MALRD1: variants seen among roughly 807,000 people sequenced by gnomAD.
MALRD1 encodes MAM and LDL receptor class A domain containing 1, also known as MAM and LDL-receptor class A domain-containing protein 1.
MALRD1 carries 247 observed loss-of-function variants against 242.1 expected under a neutral mutation model. That is an observed-to-expected ratio of 1.02 (90% CI 0.92 to 1.13). The LOEUF is 1.13. MALRD1 is among the 50% of genes most tolerant of loss of function. MALRD1 has a pLI of 0.00. For missense variants in MALRD1, 2,989 were observed against 2,533.1 expected (o/e 1.18, Z -3.86); for synonymous variants, 995 against 866.6 (o/e 1.15, Z -2.60).
chr10:19,064,508 C>CTTTT (rs569891101), intron 1 of MALRD1, among the ~76,000 whole-genome samples: 1 of 142,292 alleles, frequency 7.0e-6, no homozygotes, highest in Non-Finnish European at 1.5e-5. Flanking sequence ...TTCAGGATTG[C>CTTTT]TTTTTTTTTT....
At chr10:19,262,437 C>A (rs1839790600) in intron 19 of MALRD1, among the ~76,000 whole-genome samples, 1 of 151,866 alleles carries the variant, frequency 6.6e-6, no homozygotes, top group Non-Finnish European at 1.5e-5. Context: ...GGGCAGATCA[C>A]CTAAGGTCAG....
chr10:19,586,992 G>A (rs1368693294), intron 33 of MALRD1, among the ~76,000 whole-genome samples: 3 of 152,226 alleles, frequency 2.0e-5, no homozygotes, highest in Non-Finnish European at 4.4e-5. Flanking sequence ...CGATTTTCCA[G>A]GTGCCGTCTG....
At chr10:19,164,962 C>T (rs1417534441) in intron 12 of MALRD1, among the ~76,000 whole-genome samples, 1 of 151,536 alleles carries the variant, frequency 6.6e-6, no homozygotes, top group Non-Finnish European at 1.5e-5. Flanking sequence ...TTAATGCTAC[C>T]ACAGAGACTA....
chr10:19,664,259 A>C (rs1841573681), intron 36 of MALRD1, among the ~76,000 whole-genome samples: 1 of 152,120 alleles, frequency 6.6e-6, no homozygotes, highest in Non-Finnish European at 1.5e-5. Flanking sequence ...CTACTTGCTA[A>C]TTTAGATTGT....
At chr10:19,640,350 A>G (rs1006652690) in intron 36 of MALRD1, among the ~76,000 whole-genome samples, 2 of 152,104 alleles carry the variant, frequency 1.3e-5, no homozygotes, top group African/African-American at 2.4e-5. Flanking sequence ...CGGCCTCCCA[A>G]AATGCTGTGA....
chr10:19,184,232 T>G (rs1835643001), intron 14 of MALRD1, among the ~76,000 whole-genome samples: 1 of 152,242 alleles, frequency 6.6e-6, no homozygotes, highest in African/African-American at 2.4e-5. Flanking sequence ...TTTAAGGGAA[T>G]GTTTAACATG....
intron 1 of MALRD1, among the ~76,000 whole-genome samples, chr10:19,057,000 A>G (rs541948831): frequency 6.6e-6 from 1 of 152,144 alleles, no homozygotes; most frequent in South Asian, 2.1e-4. Context: ...GTTGAACCAT[A>G]CTTACAGTCC....
chr10:19,273,850 G>T (rs1163611263), intron 19 of MALRD1, among the ~76,000 whole-genome samples: 1 of 152,076 alleles, frequency 6.6e-6, no homozygotes, highest in East Asian at 1.9e-4. Flanking sequence ...AAAACAAAAA[G>T]ATATGCCAGT....
Position 19,283,062 on chromosome 10 carries a change from G to C in MALRD1, c.3300G>C (p.Trp1100Cys). The stretch of plus-strand genomic sequence containing the variant: ...TTGAGAAAAGAAGCCTGTGTAAATG[G>C]TATCAACCAATCCCAGTACATTTGC... ...CSFEKRSLCK[W>C]YQPIPVHLLQ... The change falls in exon 21 of 40, where the codon TGG becomes TGC. Residue 1100 changes from tryptophan (W) to cysteine (C), a missense_variant. Transcript: ENST00000454679. 1 of 1,549,724 alleles carries C rather than the reference G, an allele frequency of 6.5e-7. No homozygotes were observed. Among genetic ancestry groups the C allele is most frequent in the Non-Finnish European group, 8.7e-7 (1 of 1,146,462 alleles).
chr10:19,277,495 T>A (rs1428063117), intron 19 of MALRD1, among the ~76,000 whole-genome samples: 2 of 152,134 alleles, frequency 1.3e-5, no homozygotes, highest in African/African-American at 4.8e-5. Context: ...TCAAGAAGAA[T>A]CTGAGTATGC....
chr10:19,327,801 CA>C (rs1334751444), intron 23 of MALRD1, 128 bp downstream of exon 23: 1 of 701,312 alleles, frequency 1.4e-6, no homozygotes, highest in Non-Finnish European at 2.4e-6. Flanking sequence ...GATGCGTGGA[CA>C]CCATGCTTAA....
chr10:19,146,295 T>C lies in MALRD1; in HGVS notation c.1509T>C (p.Asn503=). The change falls in exon 11 of 40, where the codon AAT becomes AAC. Residue 503 remains asparagine, a synonymous_variant. Coordinates refer to ENST00000454679, the MANE Select transcript of MALRD1 (RefSeq NM_001142308.3). The part of the protein sequence containing the change: ...SHWKLMKGLN[N]GEHHFPAADH... Reference sequence around the variant, plus strand: ...GGAAGCTGATGAAAGGATTGAATAATGGAGAGCACCACTTTCCTGCAGCTG... The same window carrying C: ...GGAAGCTGATGAAAGGATTGAATAACGGAGAGCACCACTTTCCTGCAGCTG... 1 of 1,231,644 alleles carries C rather than the reference T, an allele frequency of 8.1e-7. No individual in the cohort carries two copies. Among genetic ancestry groups the C allele is most frequent in the Non-Finnish European group, 1.0e-6 (1 of 987,904 alleles). The allele number at this position is 1,231,644 out of a possible 1,614,324, so 76.3% of individuals were successfully genotyped here.
chr10:19,272,537 T>G (rs1194837534), intron 19 of MALRD1, among the ~76,000 whole-genome samples: 1 of 152,202 alleles, frequency 6.6e-6, no homozygotes, highest in African/African-American at 2.4e-5. Flanking sequence ...TTATTATATT[T>G]TAAGTTCCGG....
chr10:19,576,123 G>A (rs1836811601), intron 33 of MALRD1, among the ~76,000 whole-genome samples: 1 of 152,240 alleles, frequency 6.6e-6, no homozygotes, highest in Admixed American at 6.5e-5. Context: ...GGAAGCAAGT[G>A]AGGTTGACAA....
At chr10:19,167,727 G>A (rs1274352455) in intron 13 of MALRD1, among the ~76,000 whole-genome samples, 2 of 152,230 alleles carry the variant, frequency 1.3e-5, no homozygotes, top group East Asian at 1.9e-4. Flanking sequence ...CCAATAGTGG[G>A]TGTTGAATGG....
chr10:19,095,081 A>G (rs778424576), intron 4 of MALRD1, among the ~76,000 whole-genome samples: 4 of 152,188 alleles, frequency 2.6e-5, no homozygotes, highest in Non-Finnish European at 4.4e-5. Flanking sequence ...ATAATTTCAT[A>G]AATTTGATAT....
rs187503643 is a variant in MALRD1 at position 19,298,260 on chromosome 10, G to A, written c.3419+15079G>A. ...TCCCTTCCCCACAAGAATCAATCCA[G>A]TCTCCTGAGAGTGGGAACTCACTAC... On this transcript the variant is annotated intron_variant, in intron 21 of 39. Transcript: ENST00000454679. Among the ~76,000 whole-genome samples the A allele has an allele frequency of 1.4e-3, 211 of 151,756 alleles. 1 individual carries two copies. Among genetic ancestry groups the A allele is most frequent in the African/African-American group, 4.4e-3 (180 of 41,184 alleles).
At chr10:19,236,100 G>A (rs879080493) in intron 18 of MALRD1, among the ~76,000 whole-genome samples, 1 of 152,150 alleles carries the variant, frequency 6.6e-6, no homozygotes, top group Non-Finnish European at 1.5e-5. Flanking sequence ...GAGTTCATAT[G>A]CATCTGTTAT....
chr10:19,406,492 T>A (rs1847116672), intron 28 of MALRD1, among the ~76,000 whole-genome samples: 1 of 152,134 alleles, frequency 6.6e-6, no homozygotes, highest in Non-Finnish European at 1.5e-5. Flanking sequence ...TGGGCCTCGA[T>A]GAGATCCCGT....
Sources: allele counts gnomAD v4.1 joint callset (sites outside exome capture counted in the v4.1 genomes callset), GRCh38; gene constraint gnomAD v4.1.1; transcripts MANE v1.5; gene names NCBI Gene and HGNC (gene_info 2026-07-23, HGNC 2026-07-21).